Variants in EXD1 observed in about 807,000 individuals in gnomAD.
The protein encoded by EXD1 is exonuclease 3'-5' domain containing 1, also known as piRNA biogenesis protein EXD1.
Under a neutral mutation model 49.1 loss-of-function variants are expected in EXD1, and 63 were observed. The ratio of observed to expected loss-of-function variants is 1.28; its 90% confidence interval spans 1.05 to 1.58. The LOEUF (loss-of-function observed/expected upper bound fraction) is 1.58, where lower values mean the gene tolerates loss of function less well. EXD1 is among the 40% of genes most tolerant of loss of function. The pLI, the probability that EXD1 is intolerant of heterozygous loss-of-function variation, is 0.00. For missense variants in EXD1, 748 were observed against 666.0 expected (o/e 1.12, Z -1.36); for synonymous variants, 234 against 239.2 (o/e 0.98, Z 0.20).
In EXD1 at chr15:41,184,419, C is replaced by T. The variant is rs1279173520; in HGVS notation, c.1231G>A (p.Gly411Ser). 1 of 1,613,996 alleles carries T rather than the reference C, an allele frequency of 6.2e-7. No individual in the cohort carries two copies. The highest frequency in any genetic ancestry group is 2.2e-5 in the East Asian group (1 of 44,890). Residue 411 changes from glycine (G) to serine (S), a missense_variant, in exon 12 of 12, where the codon GGC (glycine) becomes AGC (serine). Coordinates refer to ENST00000458580, the MANE Select transcript of EXD1 (RefSeq NM_001286441.2). ...CTAAAATTTTTACCAAATAAGAAGC[C>T]TTTGACTTTCTCCTCTTTCCCTGCT... ...ETAGKEEKVK[G>S]FLFGKNFRID...
In EXD1 at chr15:41,184,536, G is replaced by A. The variant is rs527801980; in HGVS notation, c.1114C>T (p.Arg372Cys). 1.8e-5 allele frequency: 29 copies of A among 1,611,330 alleles called. No individual in the cohort carries two copies. The highest frequency in any genetic ancestry group is 3.4e-5 in the Admixed American group (2 of 59,296). ...LLQLKDFQKQ[R>C]REKAAREYRV... ...TATTCTCTTGCAGCTTTCTCCCTGC[G>A]CTGCTTCTGGAAGTCCTTGAGTTGA... is the stretch of plus-strand genomic sequence containing the variant. The change falls in exon 12 of 12, where the codon CGC becomes TGC. Residue 372 changes from arginine (R) to cysteine (C), a missense_variant. Arg to Cys is a radical substitution (Grantham distance 180). Coordinates refer to ENST00000458580, the MANE Select transcript of EXD1 (RefSeq NM_001286441.2).
chr15:41,192,594 A>ATTTTTTTTTTT lies in EXD1; in HGVS notation c.721-1020_721-1010dup, dbSNP rs59054803. ...ACAGGCGTGAACCACTGCGCCAGGC[A>ATTTTTTTTTTT]TTTTTTTTTTTTTTTTTTTTTTTTT... On this transcript the variant is annotated intron_variant, in intron 9 of 11. Coordinates refer to ENST00000458580, the MANE Select transcript of EXD1 (RefSeq NM_001286441.2). 4.6e-4 allele frequency among the ~76,000 whole-genome samples: 19 copies of ATTTTTTTTTTT among 40,876 alleles called. 5 individuals are homozygous for ATTTTTTTTTTT. Among genetic ancestry groups the ATTTTTTTTTTT allele is most frequent in the African/African-American group, 3.0e-4 (4 of 13,496 alleles). The allele number at this position is 40,876 out of a possible 152,430, so 26.8% of individuals were successfully genotyped here. A position where few individuals can be genotyped will look rare whatever the true frequency, so the allele number is the denominator to read the frequency against.
chr15:41,207,536 T>C (rs60422198), intron 7 of EXD1, among the ~76,000 whole-genome samples: 40,767 of 151,012 alleles, frequency 0.27, 7,414 homozygotes, highest in African/African-American at 0.51. Flanking sequence ...GAGCAAAATT[T>C]CATCTCAAAA....
Position 41,196,052 on chromosome 15 carries a change from C to T in EXD1, c.535-15G>A, listed in dbSNP as rs779483067. ...TTTGTGGCCACCTACAATAGACCAT[C>T]CAGACACACATACCATAGGATAAGA... On this transcript the variant is annotated splice_polypyrimidine_tract_variant and intron_variant, in intron 7 of 11. Transcript: ENST00000458580. The T allele has an allele frequency of 6.3e-7, 1 of 1,588,930 alleles. No individual in the cohort carries two copies. The highest frequency in any genetic ancestry group is 8.6e-7 in the Non-Finnish European group (1 of 1,164,450).
intron 7 of EXD1, among the ~76,000 whole-genome samples, chr15:41,206,970 G>A (rs1300426612): frequency 1.7e-5 from 2 of 116,376 alleles, no homozygotes; most frequent in African/African-American, 6.4e-5. Context: ...GTGCCTCTGC[G>A]CCAGGTGTGG....
chr15:41,196,020 T>A lies in EXD1; in HGVS notation c.552A>T (p.Arg184=). The part of the protein sequence containing the change: ...LCWLQVATNC[R]VYLFDIFLLG... Reference sequence around the variant, plus strand: ...GAAGGAAAATGTCAAATAAGTAAACTCGGCAATTTGTGGCCACCTACAATA... The same window carrying A: ...GAAGGAAAATGTCAAATAAGTAAACACGGCAATTTGTGGCCACCTACAATA... Residue 184 remains arginine, a synonymous_variant, in exon 8 of 12, where the codon CGA becomes CGT. Coordinates refer to ENST00000458580, the MANE Select transcript of EXD1 (RefSeq NM_001286441.2). The A allele has an allele frequency of 6.2e-7, 1 of 1,612,786 alleles. No homozygotes were observed. Among genetic ancestry groups the A allele is most frequent in the Non-Finnish European group, 8.5e-7 (1 of 1,179,626 alleles).
Position 41,184,041 on chromosome 15 carries a change from G to A in EXD1, c.1609C>T (p.Pro537Ser), listed in dbSNP as rs1331513127. ...CTGATAGGATAAAAAGTGTCACTTG[G>A]AGACACTCTGGTTTCCTGAGGAAAG... ...SSFPQETRVSPSDTFYPIRKT... is the reference protein window; with the variant it reads ...SSFPQETRVSSSDTFYPIRKT... Residue 537 changes from proline to serine, a missense_variant, in exon 12 of 12, where the codon CCA becomes TCA. Physicochemically the swap from Pro to Ser is moderately conservative, Grantham distance 74. Transcript: ENST00000458580. The A allele has an allele frequency of 1.9e-6, 3 of 1,614,150 alleles. No individual in the cohort carries two copies. Among genetic ancestry groups the A allele is most frequent in the Non-Finnish European group, 1.7e-6 (2 of 1,179,996 alleles).
At chr15:41,220,003 A>C (rs1171362650) in intron 2 of EXD1, 105 bp from the exon 3 acceptor site, 1 of 814,416 alleles carries the variant, frequency 1.2e-6, no homozygotes, top group African/African-American at 1.7e-5. Flanking sequence ...TATTTAAAAA[A>C]AAAAAAACTC....
At chr15:41,197,739 C>T (rs570824326) in intron 7 of EXD1, among the ~76,000 whole-genome samples, 2 of 151,376 alleles carry the variant, frequency 1.3e-5, no homozygotes, top group African/African-American at 4.9e-5. Context: ...AAGTGATTCT[C>T]CTGCCTCCTG....
At chr15:41,216,546 G>C in intron 5 of EXD1, 122 bp downstream of exon 5, 1 of 990,472 alleles carries the variant, frequency 1.0e-6, no homozygotes, top group African/African-American at 1.7e-5. Flanking sequence ...CAGGATAATT[G>C]CTTGAATCCA....
chr15:41,215,694 A>G, intron 6 of EXD1, 81 bp downstream of exon 6: 1 of 1,454,932 alleles, frequency 6.9e-7, no homozygotes, highest in Admixed American at 1.8e-5. Context: ...TCAAAAAAAA[A>G]AAGAAAGAAA....
chr15:41,191,834 T>C lies in EXD1; in HGVS notation c.721-249A>G, dbSNP rs1595427055. On this transcript the variant is annotated intron_variant, in intron 9 of 11. Coordinates refer to ENST00000458580, the MANE Select transcript of EXD1 (RefSeq NM_001286441.2). ...CTCTGTCGCTCAGGCTGGAGTGCAGTGGCATGATCTCAGCTCACTGCAACC... is the reference window on the plus strand; with the variant it reads ...CTCTGTCGCTCAGGCTGGAGTGCAGCGGCATGATCTCAGCTCACTGCAACC... The C allele has an allele frequency of 2.9e-5, 11 of 378,200 alleles. No individual in the cohort carries two copies. The Admixed American group carries it at 4.7e-4, about 16-fold the overall frequency. 23.4% of individuals were successfully genotyped at this position (378,200 alleles called of 1,614,324 possible).
chr15:41,223,933 G>A (rs2047125986), intron 2 of EXD1, among the ~76,000 whole-genome samples: 2 of 151,984 alleles, frequency 1.3e-5, no homozygotes, highest in South Asian at 2.1e-4. Flanking sequence ...ATGCTGCCTC[G>A]GCTGGCCTTA....
intron 7 of EXD1, among the ~76,000 whole-genome samples, chr15:41,207,559 A>T (rs900885166): frequency 3.3e-5 from 5 of 151,994 alleles, no homozygotes; most frequent in Admixed American, 1.3e-4. Context: ...AAAATAATAA[A>T]AAAAATAAAC....
chr15:41,199,034 G>T (rs1003913984), intron 7 of EXD1, among the ~76,000 whole-genome samples: 7 of 150,960 alleles, frequency 4.6e-5, no homozygotes, highest in African/African-American at 1.7e-4. Flanking sequence ...CATGATCTCG[G>T]CTCACTGCAA....
chr15:41,226,375 A>G, intron 2 of EXD1, 68 bp downstream of exon 2: 2 of 1,443,846 alleles, frequency 1.4e-6, no homozygotes, highest in Non-Finnish European at 1.9e-6. Flanking sequence ...CCAATCACTA[A>G]TGGAGCCCAC....
chr15:41,194,911 T>TA (rs2046586450), intron 9 of EXD1, among the ~76,000 whole-genome samples: 1 of 152,158 alleles, frequency 6.6e-6, no homozygotes, highest in Non-Finnish European at 1.5e-5. Context: ...TATAGTAACA[T>TA]AAAATTGAAC....
At position 41,192,594 on chromosome 15, in the gene EXD1, A is replaced by ATTTTTTTTTTTTTT. The variant is rs59054803; in HGVS notation, c.721-1023_721-1010dup. Among the ~76,000 whole-genome samples, 20 of 40,876 alleles carry ATTTTTTTTTTTTTT rather than the reference A, an allele frequency of 4.9e-4. 8 individuals are homozygous for ATTTTTTTTTTTTTT. The highest frequency in any genetic ancestry group is 8.3e-4 in the Non-Finnish European group (15 of 18,054). 26.8% of individuals were successfully genotyped at this position (40,876 alleles called of 152,430 possible). A position where few individuals can be genotyped will look rare whatever the true frequency, so the allele number is the denominator to read the frequency against. Reference sequence around the variant, plus strand: ...ACAGGCGTGAACCACTGCGCCAGGCATTTTTTTTTTTTTTTTTTTTTTTTT... The same window carrying ATTTTTTTTTTTTTT: ...ACAGGCGTGAACCACTGCGCCAGGCATTTTTTTTTTTTTTTTTTTTTTTTTTTTTTTTTTTTTTT... On this transcript the variant is annotated intron_variant, in intron 9 of 11. Coordinates refer to ENST00000458580, the MANE Select transcript of EXD1 (RefSeq NM_001286441.2).
chr15:41,191,554 G>A lies in EXD1; in HGVS notation c.752C>T (p.Thr251Met), dbSNP rs200349978. Residue 251 changes from threonine (T) to methionine (M), a missense_variant, in exon 10 of 12, where the codon ACG becomes ATG. Thr to Met is a moderately conservative substitution (Grantham distance 81, BLOSUM62 -1). Coordinates refer to ENST00000458580, the MANE Select transcript of EXD1 (RefSeq NM_001286441.2). ...GATGCAGTTTGGAAGATAGCCACCCGTTTCCATGGAAAACTGAAGTACATC... is the reference window on the plus strand; with the variant it reads ...GATGCAGTTTGGAAGATAGCCACCCATTTCCATGGAAAACTGAAGTACATC... ...VADVLQFSME[T>M]GGYLPNCITT... is the part of the protein sequence containing the mutation. 8.0e-5 allele frequency: 129 copies of A among 1,613,954 alleles called. No individual in the cohort carries two copies. The highest frequency in any genetic ancestry group is 2.5e-4 in the East Asian group (11 of 44,870).
Sources: gnomAD v4.1 joint callset for allele counts (sites outside exome capture counted in the v4.1 genomes callset) on GRCh38, gnomAD v4.1.1 for gene constraint, MANE v1.5 for transcripts, NCBI Gene and HGNC (gene_info 2026-07-23, HGNC 2026-07-21) for gene names.